DDB1: variants seen among roughly 807,000 people sequenced by gnomAD.
DDB1 encodes the protein damage specific DNA binding protein 1.
In DDB1, 18 loss-of-function variants were observed where a neutral mutation model predicts 133.1. That is an observed-to-expected ratio of 0.14 (90% CI 0.09 to 0.20). DDB1 has a LOEUF of 0.20. DDB1 is among the 10% of genes least tolerant of loss of function. The pLI, the probability that DDB1 is intolerant of heterozygous loss-of-function variation, is 1.00. For synonymous variants in DDB1, 580 were observed against 550.5 expected (o/e 1.05, Z -0.75); for missense variants, 828 against 1,459.2 (o/e 0.57, Z 7.05).
At chr11:61,323,904 G>A in intron 7 of DDB1, 75 bp downstream of exon 7, 2 of 1,508,008 alleles carry the variant, frequency 1.3e-6, no homozygotes, top group Non-Finnish European at 1.8e-6. Context: ...CCAGAGTTGA[G>A]GTGTGGGACC....
chr11:61,316,972 T>TATATAC (rs1590691091), intron 10 of DDB1, among the ~76,000 whole-genome samples: 1 of 58,108 alleles, frequency 1.7e-5, no homozygotes, highest in East Asian at 5.5e-4. Flanking sequence ...TATATATATA[T>TATATAC]ATATATATAT....
In DDB1 at chr11:61,329,915, C is replaced by T; in HGVS notation, c.327+43G>A. 3.3e-6 allele frequency: 5 copies of T among 1,504,668 alleles called. No homozygotes were observed. In the South Asian group the frequency reaches 5.7e-5, roughly 17 times the overall value. The allele number at this position is 1,504,668 out of a possible 1,614,324, so 93.2% of individuals were successfully genotyped here. A position where few individuals can be genotyped will look rare whatever the true frequency, so the allele number is the denominator to read the frequency against. ...TAATTTTTTCCATGAATCATGACAGCCCTACTTAGAAAACTTTCATTGGCC... is the reference window on the plus strand; with the variant it reads ...TAATTTTTTCCATGAATCATGACAGTCCTACTTAGAAAACTTTCATTGGCC... On this transcript the variant is annotated intron_variant, in intron 3 of 26. Transcript: ENST00000301764.
At chr11:61,301,076 A>G in intron 25 of DDB1, 144 bp from the exon 26 acceptor site, 1 of 1,238,654 alleles carries the variant, frequency 8.1e-7, no homozygotes. Flanking sequence ...TTATTTGGAC[A>G]TTTTTGGAAT....
chr11:61,310,529 ACT>A (rs1855947291), intron 18 of DDB1, 111 bp from the exon 19 acceptor site: 6 of 1,283,912 alleles, frequency 4.7e-6, no homozygotes, highest in Non-Finnish European at 6.2e-6. Context: ...CTAGCCAAGA[ACT>A]CTGATGGCTG....
intron 10 of DDB1, among the ~76,000 whole-genome samples, chr11:61,317,063 C>A (rs933698540): frequency 1.4e-5 from 2 of 141,780 alleles, no homozygotes; most frequent in African/African-American, 5.1e-5. Flanking sequence ...AACCCCCTCT[C>A]TGCTCCTTCT....
intron 18 of DDB1, chr11:61,311,162 G>C (rs1256896479): frequency 6.5e-6 from 1 of 152,708 alleles, no homozygotes; most frequent in Non-Finnish European, 1.5e-5. Context: ...TGGGCCAGGA[G>C]AATCGCTTGA....
intron 9 of DDB1, chr11:61,321,950 G>A: frequency 1.8e-6 from 1 of 548,528 alleles, no homozygotes; most frequent in Admixed American, 3.1e-5. Context: ...CTGGGACCTA[G>A]TTTACTAGAA....
At chr11:61,329,634 A>G in intron 3 of DDB1, 50 bp from the exon 4 acceptor site, 1 of 1,532,866 alleles carries the variant, frequency 6.5e-7, no homozygotes, top group South Asian at 1.2e-5. Flanking sequence ...CCACAGAGCA[A>G]CAGAGGACGC....
chr11:61,302,950 G>T (rs970643566), intron 23 of DDB1, 96 bp downstream of exon 23: 78 of 1,316,792 alleles, frequency 5.9e-5, no homozygotes, highest in Non-Finnish European at 8.1e-5. Flanking sequence ...GTAAACAGGA[G>T]CACCTGAACC....
At chr11:61,318,231 CTCATTA>C (rs1038904025) in intron 10 of DDB1, among the ~76,000 whole-genome samples, 11 of 152,166 alleles carry the variant, frequency 7.2e-5, no homozygotes, top group Admixed American at 2.0e-4. Flanking sequence ...CAAATCCCTT[CTCATTA>C]TATTTATTCA....
chr11:61,305,323 G>A (rs187739500), intron 21 of DDB1, among the ~76,000 whole-genome samples: 6 of 152,246 alleles, frequency 3.9e-5, no homozygotes, highest in African/African-American at 1.2e-4. Flanking sequence ...CCTGGCCAAC[G>A]TGGTGAAACC....
At chr11:61,326,746 G>A (rs550015343) in intron 5 of DDB1, 33 bp downstream of exon 5, 2 of 1,571,454 alleles carry the variant, frequency 1.3e-6, no homozygotes, top group Non-Finnish European at 1.8e-6. Context: ...CCTAGACCCA[G>A]GTGGAGGCAC....
chr11:61,321,813 G>T (rs1009929327), intron 9 of DDB1, 116 bp from the exon 10 acceptor site: 14 of 891,462 alleles, frequency 1.6e-5, no homozygotes, highest in Admixed American at 4.1e-5. Context: ...TGTGGGGCTA[G>T]GTTTGAGGAT....
chr11:61,302,948 G>C, intron 23 of DDB1, 98 bp downstream of exon 23: 2 of 1,314,566 alleles, frequency 1.5e-6, no homozygotes, highest in East Asian at 4.6e-5. Context: ...CTGTAAACAG[G>C]AGCACCTGAA....
intron 22 of DDB1, 94 bp from the exon 23 acceptor site, chr11:61,303,249 C>A: frequency 1.8e-6 from 2 of 1,096,626 alleles, no homozygotes; most frequent in Admixed American, 1.7e-5. Flanking sequence ...AGGAGCAAGG[C>A]CCCACCCTGC....
intron 9 of DDB1, chr11:61,321,975 G>T (rs939592133): frequency 3.7e-6 from 2 of 543,276 alleles, no homozygotes; most frequent in African/African-American, 1.9e-5. Flanking sequence ...CACAGGATCT[G>T]TTAGATACAC....
intron 15 of DDB1, 43 bp from the exon 16 acceptor site, chr11:61,313,749 G>C (rs770162209): frequency 2.8e-5 from 44 of 1,579,852 alleles, no homozygotes; most frequent in Non-Finnish European, 3.5e-5. Context: ...AAAGAAAACA[G>C]GACAAAAAGC....
Position 61,325,652 on chromosome 11 carries a change from T to C in DDB1, c.721A>G (p.Asn241Asp). Reference protein sequence around the residue: ...IIGQESITYHNGDKYLAIAPP... With the variant: ...IIGQESITYHDGDKYLAIAPP... ...GCAATAGCCAGGTATTTGTCACCAT[T>C]GTGATAGGTGATTGACTCCTGTCCA... Residue 241 changes from asparagine to aspartate, a missense_variant, in exon 6 of 27, where the codon AAT (asparagine) becomes GAT (aspartate). Physicochemically the swap from Asn to Asp is conservative, Grantham distance 23 (BLOSUM62 1). Around this residue, in one of 7 missense-constraint regions of DDB1, gnomAD observed 210 missense variants for 344.8 expected, o/e 0.61. Coordinates refer to ENST00000301764, the MANE Select transcript of DDB1 (RefSeq NM_001923.5). 1 of 1,613,904 alleles carries C rather than the reference T, an allele frequency of 6.2e-7. No individual in the cohort carries two copies. Among genetic ancestry groups the C allele is most frequent in the Non-Finnish European group, 8.5e-7 (1 of 1,179,936 alleles).
rs780534106 is a variant in DDB1, at chr11:61,326,851, G to A, written c.592C>T (p.Arg198Ter). 1 of 1,614,000 alleles carries A rather than the reference G, an allele frequency of 6.2e-7. No homozygotes were observed. The highest frequency in any genetic ancestry group is 8.5e-7 in the Non-Finnish European group (1 of 1,179,988). ...GGGCCCTTATTGAATTCCTTTTCTC[G>A]GAGAGACACCTCATAGGTTTTTACG... ...RHVKTYEVSLREKEFNKGPWK... is the reference protein window; with the variant it reads ...RHVKTYEVSL Residue 198 changes from arginine (R) to a stop codon, truncating the protein, a stop_gained, in exon 5 of 27, where the codon CGA becomes TGA. Coordinates refer to ENST00000301764, the MANE Select transcript of DDB1 (RefSeq NM_001923.5). LOFTEE classifies it high-confidence loss of function.
Sources: gnomAD v4.1 joint callset for allele counts (sites outside exome capture counted in the v4.1 genomes callset) on GRCh38, gnomAD v4.1.1 for gene constraint, gnomAD v4.1.1 regional missense constraint, MANE v1.5 for transcripts, NCBI Gene and HGNC (gene_info 2026-07-23, HGNC 2026-07-21) for gene names.